Variants in SCML2 observed in about 807,000 individuals in gnomAD.
SCML2 encodes sex comb on midleg-like protein 2.
Under a neutral mutation model 48.4 loss-of-function variants are expected in SCML2, and 6 were observed. The ratio of observed to expected loss-of-function variants is 0.12; its 90% CI spans 0.07 to 0.24. The LOEUF (loss-of-function observed/expected upper bound fraction) is 0.24. SCML2 is among the 10% of genes least tolerant of loss of function. SCML2 has a pLI of 1.00. For synonymous variants in SCML2, 181 were observed against 189.5 expected, an observed-to-expected ratio of 0.95 and a Z score of 0.37; for missense variants, 377 against 528.2, an observed-to-expected ratio of 0.71 and a Z score of 2.81.
intron 8 of SCML2, among the ~76,000 whole-genome samples, chrX:18,263,615 C>T (rs1216521428): frequency 9.0e-6 from 1 of 111,305 alleles, no homozygotes; most frequent in African/African-American, 3.3e-5. Flanking sequence ...TTCACAATAG[C>T]AACAAGAATC....
chrX:18,323,570 A>G (rs1929387144), intron 5 of SCML2, among the ~76,000 whole-genome samples: 1 of 111,921 alleles, frequency 8.9e-6, no homozygotes, highest in African/African-American at 3.2e-5. Context: ...CTGAATCTGC[A>G]TATGTAATCT....
chrX:18,274,962 T>A (rs1330903530), intron 7 of SCML2, among the ~76,000 whole-genome samples: 1 of 112,197 alleles, frequency 8.9e-6, no homozygotes, highest in East Asian at 2.8e-4. Context: ...TACAACCTCA[T>A]ATCACAACCC....
chrX:18,244,518 CT>C (rs1926373261), intron 13 of SCML2, among the ~76,000 whole-genome samples: 1 of 111,258 alleles, frequency 9.0e-6, no homozygotes, highest in Admixed American at 9.6e-5. Flanking sequence ...TATTTTTAGT[CT>C]ATTATGAAAA....
chrX:18,349,304 C>T, intron 1 of SCML2, among the ~76,000 whole-genome samples: 1 of 112,241 alleles, frequency 8.9e-6, no homozygotes, highest in Non-Finnish European at 1.9e-5. Context: ...AGTAGGTAAT[C>T]AAATGCTATC....
intron 7 of SCML2, among the ~76,000 whole-genome samples, chrX:18,286,296 G>A (rs1318289882): frequency 2.7e-5 from 3 of 111,669 alleles, no homozygotes; most frequent in Non-Finnish European, 5.6e-5. Flanking sequence ...TTTAACATTA[G>A]CATTATAATA....
At chrX:18,309,554 T>C (rs1161851094) in intron 6 of SCML2, among the ~76,000 whole-genome samples, 1 of 111,742 alleles carries the variant, frequency 8.9e-6, no homozygotes, top group African/African-American at 3.3e-5. Flanking sequence ...GTGGGCTGCA[T>C]AAAGAAAATT....
intron 2 of SCML2, among the ~76,000 whole-genome samples, chrX:18,332,335 G>A (rs1360621144): frequency 2.7e-5 from 3 of 112,161 alleles, no homozygotes; most frequent in Non-Finnish European, 1.9e-5. Context: ...ATGAACTCAT[G>A]GATTTAAACA....
chrX:18,273,884 A>G (rs1234474524), intron 7 of SCML2, among the ~76,000 whole-genome samples: 1 of 110,668 alleles, frequency 9.0e-6, no homozygotes, highest in Non-Finnish European at 1.9e-5. Context: ...AAGCGGCTTC[A>G]CTTCAGAGGG....
intron 7 of SCML2, among the ~76,000 whole-genome samples, chrX:18,293,900 G>C (rs1014406909): frequency 4.5e-5 from 5 of 112,178 alleles, no homozygotes; most frequent in Non-Finnish European, 9.4e-5. Flanking sequence ...ATCACAGAAA[G>C]TGTCTTTCGA....
intron 7 of SCML2, among the ~76,000 whole-genome samples, chrX:18,273,576 T>C (rs1291163174): frequency 9.0e-6 from 1 of 111,605 alleles, no homozygotes; most frequent in East Asian, 2.8e-4. Flanking sequence ...ATTTCCCAGA[T>C]GTGTTATTCA....
At chrX:18,353,012 T>A (rs28689667) in intron 1 of SCML2, among the ~76,000 whole-genome samples, 1 of 110,559 alleles carries the variant, frequency 9.0e-6, no homozygotes, top group Non-Finnish European at 1.9e-5. Context: ...CAAACTGTTT[T>A]AAAGGTTATA....
intron 1 of SCML2, among the ~76,000 whole-genome samples, chrX:18,345,691 C>A (rs1379481873): frequency 9.1e-6 from 1 of 110,028 alleles, no homozygotes; most frequent in African/African-American, 3.3e-5. Flanking sequence ...CACACATGGA[C>A]TAAAACAATT....
In SCML2 at chrX:18,242,600, G is replaced by A; in HGVS notation, c.1823-10C>T. 8.3e-7 allele frequency: 1 copy of A among 1,199,355 alleles called. No homozygotes were observed. The highest frequency in any genetic ancestry group is 1.8e-5 in the South Asian group (1 of 54,703). Reference sequence around the variant, plus strand: ...GCTATATAACTTGGAGCTTCAATGGGGGGGAAAAAAGACAAATCATACTTG... The same window carrying A: ...GCTATATAACTTGGAGCTTCAATGGAGGGGAAAAAAGACAAATCATACTTG... On this transcript the variant is annotated splice_polypyrimidine_tract_variant and intron_variant, in intron 13 of 14. Transcript: ENST00000251900.
intron 7 of SCML2, among the ~76,000 whole-genome samples, chrX:18,294,779 G>A (rs1396716797): frequency 9.0e-6 from 1 of 110,947 alleles, no homozygotes; most frequent in African/African-American, 3.3e-5. Flanking sequence ...GCAGCACATT[G>A]GAGAGGCTGC....
At chrX:18,350,773 A>C (rs750829449) in intron 1 of SCML2, among the ~76,000 whole-genome samples, 18 of 111,159 alleles carry the variant, frequency 1.6e-4, no homozygotes, top group Non-Finnish European at 3.0e-4. Context: ...CTCTTTTTAT[A>C]AATGGTAACC....
At chrX:18,276,257 GCA>G (rs1475804806) in intron 7 of SCML2, among the ~76,000 whole-genome samples, 1 of 106,367 alleles carries the variant, frequency 9.4e-6, no homozygotes, top group Non-Finnish European at 1.9e-5. Context: ...TTGCACGACT[GCA>G]CTCCAGCCTG....
At chrX:18,298,403 T>G (rs937117046) in intron 7 of SCML2, among the ~76,000 whole-genome samples, 1 of 112,069 alleles carries the variant, frequency 8.9e-6, no homozygotes, top group East Asian at 2.8e-4. Flanking sequence ...ATGGTATTAA[T>G]ATAAAAACAA....
intron 3 of SCML2, among the ~76,000 whole-genome samples, chrX:18,327,742 GTT>G (rs1323880836): frequency 3.6e-5 from 4 of 111,500 alleles, no homozygotes; most frequent in Non-Finnish European, 5.6e-5. Context: ...GTTGGTTTTT[GTT>G]TGTTTTCTTT....
At chrX:18,340,931 C>G (rs1454582407) in intron 1 of SCML2, among the ~76,000 whole-genome samples, 2 of 111,426 alleles carry the variant, frequency 1.8e-5, no homozygotes, top group Non-Finnish European at 3.8e-5. Flanking sequence ...TCAAATACTG[C>G]TTTTTGATAA....
Sources: gnomAD v4.1 joint callset for allele counts (sites outside exome capture counted in the v4.1 genomes callset) on GRCh38, gnomAD v4.1.1 for gene constraint, MANE v1.5 for transcripts, NCBI Gene and HGNC (gene_info 2026-07-23, HGNC 2026-07-21) for gene names.